The following PPP4R1 variants were observed in gnomAD, a reference collection of about 807,000 sequenced individuals.
The protein encoded by PPP4R1 is serine/threonine-protein phosphatase 4 regulatory subunit 1.
PPP4R1 carries 42 observed loss-of-function variants against 111.2 expected under a neutral mutation model. The observed-to-expected ratio is 0.38, with a 90% CI of 0.29 to 0.49. PPP4R1 has a LOEUF of 0.49. Ranked by LOEUF, PPP4R1 falls within the 20% of genes least tolerant of loss-of-function variation. The probability of loss-of-function intolerance (pLI) is 0.97; values close to 1 mark genes in which losing one functional copy is unlikely to be tolerated. For synonymous variants in PPP4R1, 409 were observed against 405.5 expected, an observed-to-expected ratio of 1.01 and a Z score of -0.10; for missense variants, 1,012 against 1,161.6, an observed-to-expected ratio of 0.87 and a Z score of 1.87.
chr18:9,557,464 T>C, intron 14 of PPP4R1, 82 bp from the exon 15 acceptor site: 1 of 1,246,720 alleles, frequency 8.0e-7, no homozygotes, highest in Non-Finnish European at 1.1e-6. Context: ...AAGGCTAATT[T>C]ATATATGAAT....
intron 2 of PPP4R1, chr18:9,599,677 T>A (rs2067348271): frequency 6.6e-6 from 1 of 152,236 alleles, no homozygotes; most frequent in African/African-American, 2.4e-5. Context: ...TCAGCCACTC[T>A]CATCTGGCCT....
intron 9 of PPP4R1, 97 bp downstream of exon 9, chr18:9,583,020 C>T: frequency 9.1e-7 from 1 of 1,095,410 alleles, no homozygotes; most frequent in East Asian, 2.9e-5. Flanking sequence ...AATAATATAT[C>T]TTAAATTATA....
intron 6 of PPP4R1, among the ~76,000 whole-genome samples, chr18:9,586,259 T>C (rs1275043200): frequency 1.3e-5 from 2 of 151,994 alleles, no homozygotes; most frequent in Non-Finnish European, 2.9e-5. Context: ...ATAAGACTCC[T>C]ACTAGCACTG....
intron 19 of PPP4R1, among the ~76,000 whole-genome samples, chr18:9,548,743 C>G (rs1183769525): frequency 6.6e-6 from 1 of 152,032 alleles, no homozygotes; most frequent in African/African-American, 2.4e-5. Flanking sequence ...ATGGTGAAAC[C>G]CCATCTCTAC....
intron 19 of PPP4R1, among the ~76,000 whole-genome samples, chr18:9,548,293 AAAG>A (rs1396910868): frequency 4.6e-5 from 7 of 151,960 alleles, no homozygotes; most frequent in Admixed American, 6.5e-5. Context: ...AAAAAAAAAA[AAAG>A]GAGAAAAAAA....
At chr18:9,573,264 A>T (rs896776150) in intron 10 of PPP4R1, among the ~76,000 whole-genome samples, 1 of 152,206 alleles carries the variant, frequency 6.6e-6, no homozygotes, top group Non-Finnish European at 1.5e-5. Flanking sequence ...TTAATTTCCT[A>T]ATTTTGGTAA....
At chr18:9,553,045 T>A (rs1428245205) in intron 16 of PPP4R1, among the ~76,000 whole-genome samples, 1 of 152,232 alleles carries the variant, frequency 6.6e-6, no homozygotes, top group Non-Finnish European at 1.5e-5. Context: ...TCCACAACAC[T>A]GTGAATGGAC....
chr18:9,591,148 G>C (rs536806998), intron 4 of PPP4R1, among the ~76,000 whole-genome samples: 1 of 152,120 alleles, frequency 6.6e-6, no homozygotes, highest in East Asian at 1.9e-4. Flanking sequence ...AGAAGTTCAA[G>C]ACCAGCCTGG....
chr18:9,549,167 C>T (rs745848923), intron 19 of PPP4R1, 30 bp downstream of exon 19: 1 of 1,600,562 alleles, frequency 6.2e-7, no homozygotes, highest in Admixed American at 1.7e-5. Context: ...TCTCTACTCA[C>T]ACGCTTCTTC....
chr18:9,590,551 G>A (rs978714115), intron 4 of PPP4R1, among the ~76,000 whole-genome samples: 21 of 152,062 alleles, frequency 1.4e-4, no homozygotes, highest in Admixed American at 3.3e-4. Flanking sequence ...TCAAAGCCCC[G>A]CTTAGGCAAA....
intron 14 of PPP4R1, among the ~76,000 whole-genome samples, chr18:9,558,907 T>C (rs749477686): frequency 6.6e-6 from 1 of 151,576 alleles, no homozygotes; most frequent in Non-Finnish European, 1.5e-5. Flanking sequence ...TTGAAAGGGG[T>C]TGGGGGTGGT....
At position 9,600,565 on chromosome 18, in the gene PPP4R1, C is replaced by T. The variant is rs188238954; in HGVS notation, c.53-5412G>A. ...AATAGTTTTTTAAAAAGATATAACA[C>T]AAAATAGTAAGCATAAGAAAGCTGG... On this transcript the variant is annotated intron_variant, in intron 2 of 19. Coordinates refer to ENST00000400556, the MANE Select transcript of PPP4R1 (RefSeq NM_001042388.3). Among the ~76,000 whole-genome samples, 38 of 152,194 alleles carry T rather than the reference C, an allele frequency of 2.5e-4. No homozygotes were observed. In the East Asian group the frequency reaches 3.7e-3, roughly 15 times the overall value.
At chr18:9,589,214 A>G (rs1226908535) in intron 4 of PPP4R1, among the ~76,000 whole-genome samples, 1 of 152,216 alleles carries the variant, frequency 6.6e-6, no homozygotes, top group Non-Finnish European at 1.5e-5. Context: ...TATTATCCAT[A>G]AATTCCACTA....
At chr18:9,581,434 A>G (rs1350627048) in intron 9 of PPP4R1, among the ~76,000 whole-genome samples, 1 of 152,172 alleles carries the variant, frequency 6.6e-6, no homozygotes, top group East Asian at 1.9e-4. Context: ...TGACTAAAAT[A>G]AAGTCAGTAC....
At chr18:9,596,441 C>T (rs997613698) in intron 2 of PPP4R1, among the ~76,000 whole-genome samples, 1 of 152,140 alleles carries the variant, frequency 6.6e-6, no homozygotes, top group Non-Finnish European at 1.5e-5. Flanking sequence ...AGTTGTTTTA[C>T]TTATAGTCTG....
At chr18:9,600,284 C>A (rs1174259354) in intron 2 of PPP4R1, among the ~76,000 whole-genome samples, 4 of 145,030 alleles carry the variant, frequency 2.8e-5, no homozygotes, top group Non-Finnish European at 6.0e-5. Flanking sequence ...AATGGAGAAA[C>A]TAAAATTGAG....
At chr18:9,591,273 G>T (rs2067207325) in intron 4 of PPP4R1, among the ~76,000 whole-genome samples, 1 of 151,816 alleles carries the variant, frequency 6.6e-6, no homozygotes, top group South Asian at 2.1e-4. Context: ...CTTGAACCCA[G>T]GAGAAGAAGG....
Position 9,593,756 on chromosome 18 carries a change from C to T in PPP4R1, c.295+12G>A. ...TTCTAGAATAGAGTAAATTCACTTT[C>T]TCCACATATACCTGAATCATCGGCC... On this transcript the variant is annotated intron_variant, in intron 4 of 19. Coordinates refer to ENST00000400556, the MANE Select transcript of PPP4R1 (RefSeq NM_001042388.3). The T allele has an allele frequency of 6.2e-7, 1 of 1,606,462 alleles. No homozygotes were observed. Among genetic ancestry groups the T allele is most frequent in the Non-Finnish European group, 8.5e-7 (1 of 1,173,592 alleles).
At chr18:9,592,824 A>G (rs576171434) in intron 4 of PPP4R1, among the ~76,000 whole-genome samples, 1 of 152,298 alleles carries the variant, frequency 6.6e-6, no homozygotes, top group East Asian at 1.9e-4. Context: ...ACTTAAATCA[A>G]ATTAAAAAAA....
Sources: gnomAD v4.1 joint callset for allele counts (sites outside exome capture counted in the v4.1 genomes callset) on GRCh38, gnomAD v4.1.1 for gene constraint, MANE v1.5 for transcripts, NCBI Gene and HGNC (gene_info 2026-07-23, HGNC 2026-07-21) for gene names.